Variants in CHRNB2 observed in about 807,000 individuals in gnomAD.
CHRNB2 encodes the protein cholinergic receptor nicotinic beta 2 subunit.
In CHRNB2, 33 loss-of-function variants were observed where a neutral mutation model predicts 42.7. The ratio of observed to expected loss-of-function variants is 0.77; its 90% CI spans 0.59 to 1.03. The LOEUF is 1.03. Ranked by LOEUF, CHRNB2 falls within the 50% of genes least tolerant of loss-of-function variation. CHRNB2 has a pLI of 0.00. For synonymous variants in CHRNB2, 325 were observed against 292.9 expected, an observed-to-expected ratio of 1.11 and a Z score of -1.12; for missense variants, 603 against 700.9, an observed-to-expected ratio of 0.86 and a Z score of 1.58.
intron 5 of CHRNB2, 21 bp downstream of exon 5, chr1:154,572,182 C>A: frequency 6.5e-7 from 1 of 1,535,954 alleles, no homozygotes; most frequent in African/African-American, 1.4e-5. Flanking sequence ...CAGGCTGGGA[C>A]CCCGGGCGTG....
chr1:154,575,249 G>C (rs1696248963), intron 5 of CHRNB2, among the ~76,000 whole-genome samples: 1 of 152,210 alleles, frequency 6.6e-6, no homozygotes, highest in Admixed American at 6.5e-5. Context: ...CATGCAAATT[G>C]AAACAATACA....
At chr1:154,574,606 C>T (rs1378451647) in intron 5 of CHRNB2, among the ~76,000 whole-genome samples, 1 of 152,170 alleles carries the variant, frequency 6.6e-6, no homozygotes, top group Non-Finnish European at 1.5e-5. Flanking sequence ...TAAATCTCAC[C>T]TCCTCAAAAA....
At position 154,569,544 on chromosome 1, in the gene CHRNB2, C is replaced by T. The variant is rs777310261; in HGVS notation, c.147C>T (p.Ala49=). 6 of 1,614,128 alleles carry T rather than the reference C, an allele frequency of 3.7e-6. No individual in the cohort carries two copies. The South Asian group carries it at 6.6e-5, about 18-fold the overall frequency. ...GCTACAACAAGCTTATCCGCCCAGC[C>T]ACCAATGGCTCTGAGCTGGTGACAG... ...PSRYNKLIRP[A]TNGSELVTVQ... The change falls in exon 2 of 6, where the codon GCC becomes GCT. Residue 49 remains alanine, a synonymous_variant. Coordinates refer to ENST00000368476, the MANE Select transcript of CHRNB2 (RefSeq NM_000748.3).
chr1:154,578,076 G>A lies in CHRNB2; in HGVS notation c.*2144G>A, dbSNP rs1407312448. On this transcript the variant is annotated 3_prime_UTR_variant, in exon 6 of 6. Coordinates refer to ENST00000368476, the MANE Select transcript of CHRNB2 (RefSeq NM_000748.3). ...CTATGGAAACTTTCCCTCTTCTAGA[G>A]CGGATTGGGAGTTGCCTGTATTATG... The A allele has an allele frequency of 6.6e-6, 1 of 152,306 alleles. No individual in the cohort carries two copies. The highest frequency in any genetic ancestry group is 1.5e-5 in the Non-Finnish European group (1 of 68,086). The allele number at this position is 152,306 out of a possible 1,614,324, so 9.4% of individuals were successfully genotyped here.
rs1696324657 is a variant in CHRNB2, at chr1:154,578,416, G to A, written c.*2484G>A. 2.0e-5 allele frequency: 3 copies of A among 152,410 alleles called. No individual in the cohort carries two copies. In the Middle Eastern group the frequency reaches 0.01, roughly 515 times the overall value. The allele number at this position is 152,410 out of a possible 1,614,324, so 9.4% of individuals were successfully genotyped here. Reference sequence around the variant, plus strand: ...TAAACAGGCCTAGAGCTTGTCTGCTGTTTGACCTCTTTTAAGACCCGGCTG... The same window carrying A: ...TAAACAGGCCTAGAGCTTGTCTGCTATTTGACCTCTTTTAAGACCCGGCTG... On this transcript the variant is annotated 3_prime_UTR_variant, in exon 6 of 6. Coordinates refer to ENST00000368476, the MANE Select transcript of CHRNB2 (RefSeq NM_000748.3).
At chr1:154,568,634 G>A (rs1167067946) in intron 1 of CHRNB2, among the ~76,000 whole-genome samples, 1 of 152,058 alleles carries the variant, frequency 6.6e-6, no homozygotes, top group Non-Finnish European at 1.5e-5. Context: ...AGGAGGCTTG[G>A]AAGGGAAGAA....
At chr1:154,572,930 G>A (rs1557852674) in intron 5 of CHRNB2, among the ~76,000 whole-genome samples, 1 of 152,086 alleles carries the variant, frequency 6.6e-6, no homozygotes, top group Non-Finnish European at 1.5e-5. Context: ...ACATCCCCCC[G>A]ACCCCGCACT....
chr1:154,577,953 C>T lies in CHRNB2; in HGVS notation c.*2021C>T, dbSNP rs201569830. On this transcript the variant is annotated 3_prime_UTR_variant, in exon 6 of 6. Transcript: ENST00000368476. The stretch of plus-strand genomic sequence containing the variant: ...TGGCTGTGGAAGCCTATCACTGGGA[C>T]AGGAAGCCAGTGGCTGCAGGAGACA... The T allele has an allele frequency of 1.3e-5, 2 of 152,326 alleles. No homozygotes were observed. The highest frequency in any genetic ancestry group is 1.3e-4 in the Admixed American group (2 of 15,284). 9.4% of individuals were successfully genotyped at this position (152,326 alleles called of 1,614,324 possible).
chr1:154,574,306 ATATCTG>A (rs1696230294), intron 5 of CHRNB2, among the ~76,000 whole-genome samples: 2 of 152,172 alleles, frequency 1.3e-5, no homozygotes, highest in South Asian at 4.1e-4. Context: ...TTTAGCATTG[ATATCTG>A]TATCTCATAT....
rs1696316621 is a variant in CHRNB2 at position 154,578,130 on chromosome 1, G to A, written c.*2198G>A. 1 of 152,336 alleles carries A rather than the reference G, an allele frequency of 6.6e-6. No homozygotes were observed. The highest frequency in any genetic ancestry group is 2.4e-5 in the African/African-American group (1 of 41,464). 9.4% of individuals were successfully genotyped at this position (152,336 alleles called of 1,614,324 possible). The stretch of plus-strand genomic sequence containing the variant: ...GAACCCTCCTTGAACTCATGGTCCT[G>A]GGGAAGGCGTCTTGGAACCAGAAAC... On this transcript the variant is annotated 3_prime_UTR_variant, in exon 6 of 6. Transcript: ENST00000368476.
In CHRNB2 at chr1:154,579,904, T is replaced by C. The variant is rs200451889; in HGVS notation, c.*3972T>C. On this transcript the variant is annotated 3_prime_UTR_variant, in exon 6 of 6. Coordinates refer to ENST00000368476, the MANE Select transcript of CHRNB2 (RefSeq NM_000748.3). ...GTTGTCTTGTCACTCTATTTGGGGGTTGGGAGAGAGCCCGTGGGGGCCAGC... is the reference window on the plus strand; with the variant it reads ...GTTGTCTTGTCACTCTATTTGGGGGCTGGGAGAGAGCCCGTGGGGGCCAGC... 2.0e-5 allele frequency: 3 copies of C among 152,170 alleles called. No individual in the cohort carries two copies. The highest frequency in any genetic ancestry group is 4.4e-5 in the Non-Finnish European group (3 of 68,146). The allele number at this position is 152,170 out of a possible 1,614,324, so 9.4% of individuals were successfully genotyped here.
At position 154,576,439 on chromosome 1, in the gene CHRNB2, A is replaced by G; in HGVS notation, c.*507A>G. 1 of 246,408 alleles carries G rather than the reference A, an allele frequency of 4.1e-6. No homozygotes were observed. The highest frequency in any genetic ancestry group is 5.2e-5 in the South Asian group (1 of 19,060). 15.3% of individuals were successfully genotyped at this position (246,408 alleles called of 1,614,324 possible). A position where few individuals can be genotyped will look rare whatever the true frequency, so the allele number is the denominator to read the frequency against. Reference sequence around the variant, plus strand: ...ACCTGCCGCTGCTTGAGTGGACAGCAGCTGGACTGGGTGGGCCCCACAGTG... The same window carrying G: ...ACCTGCCGCTGCTTGAGTGGACAGCGGCTGGACTGGGTGGGCCCCACAGTG... On this transcript the variant is annotated 3_prime_UTR_variant, in exon 6 of 6. Transcript: ENST00000368476.
In CHRNB2 at chr1:154,572,073, G is replaced by C. The variant is rs1191094208; in HGVS notation, c.1250G>C (p.Gly417Ala). ...CCAGTGGCGGGCCCCGGGCGCTCAG[G>C]GGAGCCGTGTGGCTGTGGCCTCCGG... Reference protein sequence around the residue: ...PAPVAGPGRSGEPCGCGLREA... With the variant: ...PAPVAGPGRSAEPCGCGLREA... Residue 417 changes from glycine to alanine, a missense_variant, in exon 5 of 6, where the codon GGG (glycine) becomes GCG (alanine). Physicochemically the swap from Gly to Ala is moderately conservative, Grantham distance 60. Coordinates refer to ENST00000368476, the MANE Select transcript of CHRNB2 (RefSeq NM_000748.3). 6.5e-7 allele frequency: 1 copy of C among 1,535,602 alleles called. No individual in the cohort carries two copies.
intron 5 of CHRNB2, among the ~76,000 whole-genome samples, chr1:154,575,200 G>T (rs539085855): frequency 5.9e-5 from 9 of 152,332 alleles, no homozygotes; most frequent in African/African-American, 2.2e-4. Flanking sequence ...ATGAATCAGG[G>T]TCCTTGTTTA....
Position 154,576,131 on chromosome 1 carries a change from T to G in CHRNB2, c.*199T>G, listed in dbSNP as rs200252337. The G allele has an allele frequency of 4.7e-5, 31 of 657,040 alleles. No homozygotes were observed. In the South Asian group the frequency reaches 5.4e-4, roughly 12 times the overall value. The allele number at this position is 657,040 out of a possible 1,614,324, so 40.7% of individuals were successfully genotyped here. ...CCAACCTGGAGGCTGGACCAACTGC[T>G]TTGTTTTGGCTGCTCTCCATCTCTT... is the stretch of plus-strand genomic sequence containing the variant. On this transcript the variant is annotated 3_prime_UTR_variant, in exon 6 of 6. Coordinates refer to ENST00000368476, the MANE Select transcript of CHRNB2 (RefSeq NM_000748.3).
chr1:154,570,210 C>A, intron 3 of CHRNB2, 48 bp from the exon 4 acceptor site: 2 of 1,317,146 alleles, frequency 1.5e-6, no homozygotes, highest in Non-Finnish European at 2.2e-6. Flanking sequence ...TAACCTTGAG[C>A]CCCACCCAGG....
chr1:154,574,058 C>G (rs915989130), intron 5 of CHRNB2, among the ~76,000 whole-genome samples: 1 of 152,020 alleles, frequency 6.6e-6, no homozygotes, highest in African/African-American at 2.4e-5. Flanking sequence ...CCTGGCTTAT[C>G]TTGTCTTAAG....
chr1:154,570,123 A>G (rs1037875717), intron 3 of CHRNB2, 135 bp from the exon 4 acceptor site: 1 of 733,794 alleles, frequency 1.4e-6, no homozygotes, highest in Non-Finnish European at 2.4e-6. Flanking sequence ...CCTGATGGGC[A>G]GAGAAGTCAC....
chr1:154,569,399 G>C, intron 1 of CHRNB2, 63 bp from the exon 2 acceptor site: 1 of 1,601,368 alleles, frequency 6.2e-7, no homozygotes, highest in East Asian at 2.2e-5. Flanking sequence ...TGCCTGGGGA[G>C]GGTGGGATGC....
Sources: gnomAD v4.1 joint callset for allele counts (sites outside exome capture counted in the v4.1 genomes callset) on GRCh38, gnomAD v4.1.1 for gene constraint, MANE v1.5 for transcripts, NCBI Gene and HGNC (gene_info 2026-07-23, HGNC 2026-07-21) for gene names.